TP73: variants seen among roughly 807,000 people sequenced by gnomAD.
The protein encoded by TP73 is tumor protein p73, also known as p53-like transcription factor.
A neutral mutation model predicts 62.5 loss-of-function variants in TP73; 25 were observed. The ratio of observed to expected loss-of-function variants is 0.40; its 90% CI spans 0.29 to 0.56. The LOEUF is 0.56. TP73 is among the 20% of genes least tolerant of loss of function. The pLI, the probability that TP73 is intolerant of heterozygous loss-of-function variation, is 0.46. For missense variants in TP73, 754 were observed against 913.3 expected (o/e 0.83, Z 2.25); for synonymous variants, 423 against 377.5 (o/e 1.12, Z -1.40).
chr1:3,717,902 G>T (rs1640738149), intron 4 of TP73, among the ~76,000 whole-genome samples: 1 of 152,224 alleles, frequency 6.6e-6, no homozygotes, highest in Non-Finnish European at 1.5e-5. Flanking sequence ...GGTCTGCCAG[G>T]CATGTATGCC....
At chr1:3,683,847 C>T (rs760700562) in intron 3 of TP73, among the ~76,000 whole-genome samples, 2 of 152,182 alleles carry the variant, frequency 1.3e-5, no homozygotes, top group Admixed American at 6.5e-5. Context: ...TGGGGTGGGC[C>T]TCCCCACACA....
Position 3,721,641 on chromosome 1 carries a change from G to A in TP73, c.430-380G>A, listed in dbSNP as rs534810472. 3.3e-5 allele frequency among the ~76,000 whole-genome samples: 5 copies of A among 152,312 alleles called. No homozygotes were observed. The East Asian group carries it at 9.6e-4, about 29-fold the overall frequency. ...TCAAAATGCCGCAGTCAGGGACATG[G>A]CTTCCACAGGCCTGGCTCCCAGCCC... On this transcript the variant is annotated intron_variant, in intron 4 of 13. Coordinates refer to ENST00000378295, the MANE Select transcript of TP73 (RefSeq NM_005427.4).
At chr1:3,707,815 G>A (rs758809749) in intron 4 of TP73, 24 bp downstream of exon 4, 1 of 1,590,066 alleles carries the variant, frequency 6.3e-7, no homozygotes, top group Non-Finnish European at 8.6e-7. Flanking sequence ...GTCCCTGAGG[G>A]CTGCGGGCTG....
chr1:3,722,433 G>A (rs1641147164), intron 5 of TP73, among the ~76,000 whole-genome samples: 1 of 152,246 alleles, frequency 6.6e-6, no homozygotes, highest in Non-Finnish European at 1.5e-5. Flanking sequence ...GGCAGAGTCT[G>A]AGGGGCAGCG....
At chr1:3,718,972 G>A (rs886167424) in intron 4 of TP73, among the ~76,000 whole-genome samples, 1 of 152,162 alleles carries the variant, frequency 6.6e-6, no homozygotes, top group African/African-American at 2.4e-5. Context: ...GACACGCAGT[G>A]AGTCAGAGAT....
chr1:3,729,607 G>A (rs1388625513), intron 10 of TP73, 159 bp downstream of exon 10: 3 of 1,364,046 alleles, frequency 2.2e-6, no homozygotes, highest in African/African-American at 1.4e-5. Context: ...TCCTCCTCCA[G>A]GAAGCCTTCT....
At chr1:3,691,890 G>A (rs572233885) in intron 3 of TP73, among the ~76,000 whole-genome samples, 17 of 152,368 alleles carry the variant, frequency 1.1e-4, no homozygotes, top group Admixed American at 7.8e-4. Context: ...CTTTGGAGCC[G>A]TGGGCTCCCC....
intron 1 of TP73, chr1:3,658,957 TG>T (rs1349435901): frequency 1.3e-5 from 2 of 150,878 alleles, no homozygotes; most frequent in African/African-American, 2.5e-5. Context: ...TGGCGTATTC[TG>T]GTCTCCTACA....
At chr1:3,657,992 C>T (rs536984158) in intron 1 of TP73, among the ~76,000 whole-genome samples, 2 of 152,316 alleles carry the variant, frequency 1.3e-5, no homozygotes, top group African/African-American at 4.8e-5. Context: ...TACAGAAGGT[C>T]GGGGGACATC....
rs1458377747 is a variant in TP73, at chr1:3,696,126, G to A, written c.187-11423G>A. Among the ~76,000 whole-genome samples the A allele has an allele frequency of 3.3e-5, 5 of 152,214 alleles. No homozygotes were observed. Among genetic ancestry groups the A allele is most frequent in the Admixed American group, 1.3e-4 (2 of 15,286 alleles). On this transcript the variant is annotated intron_variant, in intron 3 of 13. Transcript: ENST00000378295. This position sits in a 1 kb window ranked among gnomAD's most constrained non-coding sequence, Gnocchi z 4.1. ...GCCCCATGAGGGAGGGGTTTCCAGT[G>A]GTCCTGGGGCCTGAAAAGTGTGACC...
At chr1:3,731,670 TC>T in intron 13 of TP73, 114 bp downstream of exon 13, 1 of 953,712 alleles carries the variant, frequency 1.0e-6, no homozygotes, top group Non-Finnish European at 1.6e-6. Context: ...GGAAACCCTT[TC>T]CCACGGGCAA....
intron 12 of TP73, 89 bp downstream of exon 12, chr1:3,731,154 CCT>C (rs1642109413): frequency 1.3e-6 from 2 of 1,520,168 alleles, no homozygotes; most frequent in Non-Finnish European, 1.8e-6. Context: ...CCTGCCCCAC[CCT>C]GTGTGCTCAC....
chr1:3,724,933 C>T (rs1485975501), intron 6 of TP73, among the ~76,000 whole-genome samples: 2 of 152,076 alleles, frequency 1.3e-5, no homozygotes, highest in African/African-American at 4.8e-5. Flanking sequence ...GCAAGAGAAT[C>T]GCTTGAACCC....
intron 3 of TP73, among the ~76,000 whole-genome samples, chr1:3,698,827 G>A (rs985631850): frequency 3.3e-5 from 5 of 152,198 alleles, no homozygotes; most frequent in Non-Finnish European, 7.4e-5. Context: ...CCCATGTGGC[G>A]CTAAGCACAG....
chr1:3,731,395 A>G, intron 12 of TP73, 68 bp from the exon 13 acceptor site: 1 of 1,503,348 alleles, frequency 6.7e-7, no homozygotes, highest in African/African-American at 1.4e-5. Context: ...CCACTCTCAG[A>G]GATGGGGGCT....
rs535311760 is a variant in TP73 at position 3,730,979 on chromosome 1, G to A, written c.1398G>A (p.Met466Ile). 5.0e-6 allele frequency: 8 copies of A among 1,612,032 alleles called. No homozygotes were observed. Among genetic ancestry groups the A allele is most frequent in the East Asian group, 4.5e-5 (2 of 44,842 alleles). ...ACGCAGTGCCAGCCAACGGCGAGAT[G>A]AGCAGCAGCCACAGCGCCCAGTCCA... is the stretch of plus-strand genomic sequence containing the variant. Reference protein sequence around the residue: ...HGHAVPANGEMSSSHSAQSMV... With the variant: ...HGHAVPANGEISSSHSAQSMV... Residue 466 changes from methionine (M) to isoleucine (I), a missense_variant, in exon 12 of 14, where the codon ATG becomes ATA. Physicochemically the swap from Met to Ile is conservative, Grantham distance 10 (BLOSUM62 1). Around this residue, in one of 3 missense-constraint regions of TP73, gnomAD observed 458 missense variants for 528.7 expected, o/e 0.87. Transcript: ENST00000378295.
In TP73 at chr1:3,672,601, C is replaced by G. The variant is rs1333824749; in HGVS notation, c.-33-9732C>G. On this transcript the variant is annotated intron_variant, in intron 1 of 13. Transcript: ENST00000378295. The surrounding 1 kb of genome is among the most constrained non-coding windows in gnomAD (Gnocchi z 5.3). ...CTGTCCCAGCCCTGGACCCCTCACC[C>G]CCTATCCTTGGCAGTCGGTCCTCTG... Among the ~76,000 whole-genome samples the G allele has an allele frequency of 1.3e-5, 2 of 152,006 alleles. No homozygotes were observed. The highest frequency in any genetic ancestry group is 4.8e-5 in the African/African-American group (2 of 41,374).
intron 1 of TP73, among the ~76,000 whole-genome samples, chr1:3,665,171 C>T (rs1645083139): frequency 6.6e-6 from 1 of 152,118 alleles, no homozygotes; most frequent in Middle Eastern, 3.2e-3. Context: ...AGTCTCCTGT[C>T]ATGTTTTCTT....
intron 1 of TP73, among the ~76,000 whole-genome samples, chr1:3,661,226 C>T (rs6703610): frequency 0.14 from 21,519 of 152,034 alleles, 1,673 homozygotes; most frequent in Admixed American, 0.21. Context: ...AAATCCCAAA[C>T]GTTAATTCAG....
Sources: gnomAD v4.1 joint callset for allele counts (sites outside exome capture counted in the v4.1 genomes callset) on GRCh38, gnomAD v4.1.1 for gene constraint, gnomAD v4.1.1 regional missense constraint, Gnocchi (gnomAD v3.1) non-coding constraint, MANE v1.5 for transcripts, NCBI Gene and HGNC (gene_info 2026-07-23, HGNC 2026-07-21) for gene names.